CNTNAP2: variants seen among roughly 807,000 people sequenced by gnomAD.
The protein encoded by CNTNAP2 is contactin-associated protein-like 2.
A neutral mutation model predicts 155.2 loss-of-function variants in CNTNAP2; 98 were observed. The observed-to-expected ratio is 0.63, with a 90% CI of 0.54 to 0.75. The LOEUF (loss-of-function observed/expected upper bound fraction) is 0.75. Among genes scored for constraint, CNTNAP2 ranks in the 30% least tolerant of loss-of-function variants. CNTNAP2 has a pLI of 0.00. For missense variants in CNTNAP2, 1,727 were observed against 1,688.1 expected (o/e 1.02, Z -0.40); for synonymous variants, 651 against 631.2 (o/e 1.03, Z -0.47).
At chr7:146,289,951 A>G (rs1004163464) in intron 1 of CNTNAP2, among the ~76,000 whole-genome samples, 10 of 152,180 alleles carry the variant, frequency 6.6e-5, no homozygotes, top group African/African-American at 2.4e-4. Flanking sequence ...CTTGGTTATT[A>G]TTATTTTAAG....
chr7:146,785,395 A>G (rs1252598707), intron 2 of CNTNAP2, among the ~76,000 whole-genome samples: 1 of 152,230 alleles, frequency 6.6e-6, no homozygotes, highest in African/African-American at 2.4e-5. Flanking sequence ...AAAATTCTTC[A>G]CAGCCTGAAA....
intron 9 of CNTNAP2, among the ~76,000 whole-genome samples, chr7:147,390,079 T>C (rs1324760904): frequency 6.6e-6 from 1 of 152,158 alleles, no homozygotes; most frequent in African/African-American, 2.4e-5. Context: ...ATTTCATTTG[T>C]TCATAAAGAG....
At chr7:146,655,065 C>T (rs1361454692) in intron 1 of CNTNAP2, among the ~76,000 whole-genome samples, 1 of 151,858 alleles carries the variant, frequency 6.6e-6, no homozygotes, top group Non-Finnish European at 1.5e-5. Context: ...ATTTATAAGC[C>T]TAGTTTATAC....
rs187856634 is a variant in CNTNAP2 at position 146,130,080 on chromosome 7, G to T, written c.97+13107G>T. On this transcript the variant is annotated intron_variant, in intron 1 of 23. Transcript: ENST00000361727. Reference sequence around the variant, plus strand: ...TTTTGGAATTAGTCTTCTGTTAAACGTGTAATGAAAAGAAAATTTTGAAAG... The same window carrying T: ...TTTTGGAATTAGTCTTCTGTTAAACTTGTAATGAAAAGAAAATTTTGAAAG... Among the ~76,000 whole-genome samples the T allele has an allele frequency of 1.4e-4, 22 of 152,286 alleles. No homozygotes were observed. In the East Asian group the frequency reaches 4.2e-3, roughly 29 times the overall value.
chr7:147,280,618 G>T (rs1805014003), intron 8 of CNTNAP2, among the ~76,000 whole-genome samples: 2 of 151,746 alleles, frequency 1.3e-5, no homozygotes, highest in South Asian at 4.2e-4. Context: ...CACAAAGCTA[G>T]CAAGAAAGAC....
At position 147,112,404 on chromosome 7, in the gene CNTNAP2, T is replaced by C. The variant is rs1800898051; in HGVS notation, c.754+4054T>C. On this transcript the variant is annotated intron_variant, in intron 5 of 23. Coordinates refer to ENST00000361727, the MANE Select transcript of CNTNAP2 (RefSeq NM_014141.6). ...TTGCCCTGGCCAGGATAGCCAATAC[T>C]GTGTTGAATAGTCACGGTGAGAGAA... Among the ~76,000 whole-genome samples, 3 of 152,188 alleles carry C rather than the reference T, an allele frequency of 2.0e-5. No homozygotes were observed. The South Asian group carries it at 6.2e-4, about 32-fold the overall frequency.
chr7:146,560,511 G>A (rs2129144286), intron 1 of CNTNAP2, among the ~76,000 whole-genome samples: 1 of 151,864 alleles, frequency 6.6e-6, no homozygotes, highest in Non-Finnish European at 1.5e-5. Context: ...TTTCTTATAA[G>A]CATTTCATAC....
chr7:147,110,998 T>A (rs1286770160), intron 5 of CNTNAP2, among the ~76,000 whole-genome samples: 1 of 152,232 alleles, frequency 6.6e-6, no homozygotes, highest in African/African-American at 2.4e-5. Flanking sequence ...ACCAACAGCA[T>A]AAAAGCTTTC....
chr7:146,390,662 A>G (rs1238130007), intron 1 of CNTNAP2, among the ~76,000 whole-genome samples: 1 of 149,320 alleles, frequency 6.7e-6, no homozygotes, highest in African/African-American at 2.4e-5. Flanking sequence ...TGAAATAAAT[A>G]TATATATAAG....
chr7:147,730,793 T>C (rs1796725545), intron 13 of CNTNAP2, among the ~76,000 whole-genome samples: 1 of 152,086 alleles, frequency 6.6e-6, no homozygotes, highest in African/African-American at 2.4e-5. Flanking sequence ...ATATCTCTTA[T>C]ACCAAACAGC....
intron 12 of CNTNAP2, among the ~76,000 whole-genome samples, chr7:147,623,952 C>G (rs1026516308): frequency 6.6e-6 from 1 of 151,880 alleles, no homozygotes; most frequent in Non-Finnish European, 1.5e-5. Flanking sequence ...AACCCAGAAA[C>G]AAATCCACAC....
intron 13 of CNTNAP2, among the ~76,000 whole-genome samples, chr7:147,685,896 G>T (rs1032397086): frequency 1.7e-4 from 26 of 151,936 alleles, no homozygotes; most frequent in African/African-American, 5.8e-4. Context: ...AAAGGAATTT[G>T]CTGGGGAAGA....
chr7:148,030,160 C>T (rs188816862), intron 15 of CNTNAP2, among the ~76,000 whole-genome samples: 50 of 152,306 alleles, frequency 3.3e-4, no homozygotes, highest in Admixed American at 2.9e-3. Flanking sequence ...TTACCAAGTG[C>T]TGCTGATCCT....
At chr7:147,117,680 A>G (rs1363227179) in intron 5 of CNTNAP2, among the ~76,000 whole-genome samples, 2 of 152,156 alleles carry the variant, frequency 1.3e-5, no homozygotes, top group Non-Finnish European at 2.9e-5. Flanking sequence ...GAGTGGTCCA[A>G]ACATTCCTGA....
At chr7:147,263,047 T>C (rs1804527540) in intron 8 of CNTNAP2, among the ~76,000 whole-genome samples, 1 of 152,080 alleles carries the variant, frequency 6.6e-6, no homozygotes, top group Admixed American at 6.5e-5. Context: ...TAACTGAACA[T>C]GGGAACAAGA....
chr7:146,230,832 T>G (rs2116912784), intron 1 of CNTNAP2, among the ~76,000 whole-genome samples: 1 of 152,180 alleles, frequency 6.6e-6, no homozygotes, highest in South Asian at 2.1e-4. Flanking sequence ...CTGGCCAGCA[T>G]GGTGAAACCC....
intron 13 of CNTNAP2, among the ~76,000 whole-genome samples, chr7:147,857,446 T>A (rs888824775): frequency 2.6e-5 from 4 of 152,298 alleles, no homozygotes; most frequent in Admixed American, 6.5e-5. Context: ...TTGAAAAAAA[T>A]TTGCACTTCT....
intron 11 of CNTNAP2, among the ~76,000 whole-genome samples, chr7:147,538,328 G>A (rs1799583400): frequency 6.6e-6 from 1 of 152,104 alleles, no homozygotes; most frequent in Non-Finnish European, 1.5e-5. Flanking sequence ...TAGTAGCCCT[G>A]TTAAACAATT....
chr7:147,762,739 GGGAGGAAGGAA>G (rs932853609), intron 13 of CNTNAP2, among the ~76,000 whole-genome samples: 4 of 149,498 alleles, frequency 2.7e-5, no homozygotes, highest in African/African-American at 9.9e-5. Flanking sequence ...GAGGGAGGGA[GGGAGGAAGGAA>G]GGAGGAAGGA....
Sources: gnomAD v4.1 joint callset for allele counts (sites outside exome capture counted in the v4.1 genomes callset) on GRCh38, gnomAD v4.1.1 for gene constraint, MANE v1.5 for transcripts, NCBI Gene and HGNC (gene_info 2026-07-23, HGNC 2026-07-21) for gene names.